The following TCTN3 variants were observed in gnomAD, a reference collection of about 807,000 sequenced individuals.
TCTN3 encodes tectonic-3.
Under a neutral mutation model 71.3 loss-of-function variants are expected in TCTN3, and 57 were observed. That is an observed-to-expected ratio of 0.80 (90% CI 0.65 to 1.00). TCTN3 has a LOEUF of 1.00. TCTN3 is among the 50% of genes least tolerant of loss of function. The probability of loss-of-function intolerance (pLI) is 0.00; values close to 1 mark genes in which losing one functional copy is unlikely to be tolerated. For synonymous variants in TCTN3, 258 were observed against 267.8 expected, an observed-to-expected ratio of 0.96 and a Z score of 0.36; for missense variants, 696 against 719.9, an observed-to-expected ratio of 0.97 and a Z score of 0.38.
intron 9 of TCTN3, 79 bp downstream of exon 9, chr10:95,684,420 T>G (rs1198940838): frequency 6.5e-7 from 1 of 1,548,178 alleles, no homozygotes; most frequent in African/African-American, 1.4e-5. Context: ...CTATTTCACA[T>G]GTATTACAGA....
intron 13 of TCTN3, among the ~76,000 whole-genome samples, chr10:95,676,627 C>T (rs1245868490): frequency 4.6e-5 from 7 of 152,034 alleles, no homozygotes; most frequent in East Asian, 3.8e-4. Flanking sequence ...GTTGCAAACT[C>T]GGTCATGATA....
At chr10:95,676,264 T>G (rs2097937097) in intron 13 of TCTN3, among the ~76,000 whole-genome samples, 1 of 152,000 alleles carries the variant, frequency 6.6e-6, no homozygotes, top group Non-Finnish European at 1.5e-5. Flanking sequence ...CTTTTTTTTT[T>G]TTTTTTTTGA....
chr10:95,693,493 C>T lies in TCTN3; in HGVS notation c.257-17G>A. 1.9e-6 allele frequency: 3 copies of T among 1,552,210 alleles called. 1 individual carries two copies. In the South Asian group the frequency reaches 3.6e-5, roughly 18 times the overall value. ...TCGGTAAGACTATGAAAGTACGACA[C>T]AGAGTGAGTGGGATGAAGATCCCCA... On this transcript the variant is annotated splice_polypyrimidine_tract_variant and intron_variant, in intron 1 of 13. Coordinates refer to ENST00000371217, the MANE Select transcript of TCTN3 (RefSeq NM_015631.6).
In TCTN3 at chr10:95,683,136, C is replaced by T; in HGVS notation, c.1263G>A (p.Gln421=). The stretch of plus-strand genomic sequence containing the variant: ...ATCCAGATATTGCATTCACTCCAAA[C>T]TGCACTTCATGTCTTTTAACAGAGC... ...GSCSVKRHEV[Q]FGVNAISGCK... The change falls in exon 11 of 14, where the codon CAG becomes CAA. Residue 421 remains glutamine, a synonymous_variant. Coordinates refer to ENST00000371217, the MANE Select transcript of TCTN3 (RefSeq NM_015631.6). 6.2e-7 allele frequency: 1 copy of T among 1,614,136 alleles called. No homozygotes were observed. The highest frequency in any genetic ancestry group is 1.1e-5 in the South Asian group (1 of 91,080).
rs1555270334 is a variant in TCTN3 at position 95,687,661 on chromosome 10, C to T, written c.558G>A (p.Leu186=). The change falls in exon 4 of 14, where the codon CTG becomes CTA. Residue 186 remains leucine, a synonymous_variant. Transcript: ENST00000371217. The stretch of plus-strand genomic sequence containing the variant: ...ATGATTCGCCTCCAAACTCTGCAGC[C>T]AGGGCCTGGAAGTTGGTTGCATTGA... ...QKVNATNFQA[L]AAEFGGESFT... is the part of the protein sequence containing the mutation. The T allele has an allele frequency of 1.2e-6, 2 of 1,614,018 alleles. No homozygotes were observed. The highest frequency in any genetic ancestry group is 2.7e-5 in the African/African-American group (2 of 74,908).
At chr10:95,669,725 T>C (rs551544395) in intron 13 of TCTN3, among the ~76,000 whole-genome samples, 3 of 152,162 alleles carry the variant, frequency 2.0e-5, no homozygotes, top group South Asian at 2.1e-4. Flanking sequence ...ACTAACATAA[T>C]AAGAGATTAA....
chr10:95,681,055 C>T (rs7073010), intron 12 of TCTN3, among the ~76,000 whole-genome samples: 40,299 of 148,968 alleles, frequency 0.27, 6,177 homozygotes, highest in Admixed American at 0.39. Context: ...GGATTACAGG[C>T]GAGACCCACC....
chr10:95,668,157 C>G (rs2097927377), intron 13 of TCTN3, among the ~76,000 whole-genome samples: 1 of 147,844 alleles, frequency 6.8e-6, no homozygotes, highest in African/African-American at 2.5e-5. Context: ...AGTTGAGAAT[C>G]TTTTTTAGGA....
At chr10:95,683,723 G>A in intron 9 of TCTN3, 94 bp from the exon 10 acceptor site, 1 of 1,031,580 alleles carries the variant, frequency 9.7e-7, no homozygotes, top group Non-Finnish European at 1.4e-6. Context: ...TTAAGGCAAG[G>A]AAATGCAATA....
chr10:95,693,624 C>G lies in TCTN3; in HGVS notation c.256+20G>C. ...TAGATCTCAGAAGTAAGTTTCCACC[C>G]CCACAACGTTTTCCCTCACCTGGGA... On this transcript the variant is annotated intron_variant, in intron 1 of 13. Coordinates refer to ENST00000371217, the MANE Select transcript of TCTN3 (RefSeq NM_015631.6). The G allele has an allele frequency of 6.5e-7, 1 of 1,548,852 alleles. No homozygotes were observed. Among genetic ancestry groups the G allele is most frequent in the Non-Finnish European group, 8.7e-7 (1 of 1,146,228 alleles).
In TCTN3 at chr10:95,690,743, G is replaced by C. The variant is rs774434435; in HGVS notation, c.499+2177C>G. Among the ~76,000 whole-genome samples, 70 of 152,264 alleles carry C rather than the reference G, an allele frequency of 4.6e-4. 1 individual carries two copies. In the Middle Eastern group the frequency reaches 0.02, roughly 44 times the overall value. On this transcript the variant is annotated intron_variant, in intron 3 of 13. Transcript: ENST00000371217. The stretch of plus-strand genomic sequence containing the variant: ...TTATGGATAGTGGGAAGTAATGGAG[G>C]TTTCTCAGTAAGGAAGCAACATAAT...
intron 13 of TCTN3, among the ~76,000 whole-genome samples, chr10:95,668,504 T>G (rs1174020595): frequency 6.6e-6 from 1 of 152,164 alleles, no homozygotes; most frequent in Non-Finnish European, 1.5e-5. Context: ...TTCAAAATTG[T>G]GAGTGAAAAT....
At chr10:95,675,906 T>C (rs1413087217) in intron 13 of TCTN3, among the ~76,000 whole-genome samples, 1 of 152,204 alleles carries the variant, frequency 6.6e-6, no homozygotes, top group Non-Finnish European at 1.5e-5. Context: ...GAAAAATCAA[T>C]AATCCCTGGA....
chr10:95,693,888 T>C lies in TCTN3; in HGVS notation c.12A>G (p.Pro4=). The C allele has an allele frequency of 6.4e-7, 1 of 1,551,622 alleles. No homozygotes were observed. The highest frequency in any genetic ancestry group is 8.7e-7 in the Non-Finnish European group (1 of 1,146,960). Residue 4 remains proline (P), a synonymous_variant, in exon 1 of 14, where the codon CCA becomes CCG. Transcript: ENST00000371217. Reference sequence around the variant, plus strand: ...AGAACACTTGCAGGAGCGCGAGCTGTGGGGTGCGCATGGGGCATTCAGGGC... The same window carrying C: ...AGAACACTTGCAGGAGCGCGAGCTGCGGGGTGCGCATGGGGCATTCAGGGC... MRT[P]QLALLQVFFL...
Position 95,685,520 on chromosome 10 carries a change from A to G in TCTN3, c.969+36T>C, listed in dbSNP as rs80245997. Reference sequence around the variant, plus strand: ...GGCACCTCTGGCAGTGTTGATTAACACACATCAGTCCAGAATCTGAGGTCA... The same window carrying G: ...GGCACCTCTGGCAGTGTTGATTAACGCACATCAGTCCAGAATCTGAGGTCA... On this transcript the variant is annotated intron_variant, in intron 8 of 13. Coordinates refer to ENST00000371217, the MANE Select transcript of TCTN3 (RefSeq NM_015631.6). 2,431 of 1,501,938 alleles carry G rather than the reference A, an allele frequency of 1.6e-3. 2 individuals are homozygous for G. Among genetic ancestry groups the G allele is most frequent in the Non-Finnish European group, 2.0e-3 (2,193 of 1,102,538 alleles). 93.0% of individuals were successfully genotyped at this position (1,501,938 alleles called of 1,614,324 possible). A position where few individuals can be genotyped will look rare whatever the true frequency, so the allele number is the denominator to read the frequency against.
intron 13 of TCTN3, among the ~76,000 whole-genome samples, chr10:95,678,867 G>A (rs544383799): frequency 6.6e-5 from 10 of 152,212 alleles, no homozygotes; most frequent in Admixed American, 2.6e-4. Flanking sequence ...GGAGCATAGC[G>A]TCTTTCATGG....
intron 1 of TCTN3, 50 bp from the exon 2 acceptor site, chr10:95,693,526 C>A: frequency 6.4e-7 from 1 of 1,551,074 alleles, no homozygotes. Flanking sequence ...CCAAACTCTC[C>A]CAGGTGCTCA....
chr10:95,676,662 T>TG (rs1428311073), intron 13 of TCTN3, among the ~76,000 whole-genome samples: 1 of 152,136 alleles, frequency 6.6e-6, no homozygotes, highest in African/African-American at 2.4e-5. Flanking sequence ...TTACCATGGG[T>TG]GATAGTCAAC....
At chr10:95,690,922 C>A (rs78816824) in intron 3 of TCTN3, among the ~76,000 whole-genome samples, 2,377 of 152,048 alleles carry the variant, frequency 0.016, 65 homozygotes, top group African/African-American at 0.055. Context: ...GAATGTACAC[C>A]CCACCCTCGT....
Sources: allele counts gnomAD v4.1 joint callset (sites outside exome capture counted in the v4.1 genomes callset), GRCh38; gene constraint gnomAD v4.1.1; transcripts MANE v1.5; gene names NCBI Gene and HGNC (gene_info 2026-07-23, HGNC 2026-07-21).